The following TULP1 variants were observed in gnomAD, a reference collection of about 807,000 sequenced individuals.
TULP1 encodes the protein tubby-related protein 1.
In TULP1, 50 loss-of-function variants were observed where a neutral mutation model predicts 67.1. That is an observed-to-expected ratio of 0.75 (90% CI 0.59 to 0.94). TULP1 has a LOEUF of 0.94. TULP1 is among the 40% of genes least tolerant of loss of function. TULP1 has a pLI of 0.00. For synonymous variants in TULP1, 297 were observed against 294.0 expected, an observed-to-expected ratio of 1.01 and a Z score of -0.11; for missense variants, 746 against 734.1, an observed-to-expected ratio of 1.02 and a Z score of -0.19.
At chr6:35,499,525 A>G (rs1194192494) in intron 14 of TULP1, among the ~76,000 whole-genome samples, 2 of 152,224 alleles carry the variant, frequency 1.3e-5, no homozygotes, top group African/African-American at 2.4e-5. Flanking sequence ...CCTGGCACAT[A>G]GTAAACACTG....
Position 35,512,214 on chromosome 6 carries a change from G to T in TULP1, c.156C>A (p.Pro52=). The T allele has an allele frequency of 7.3e-7, 1 of 1,367,628 alleles. No individual in the cohort carries two copies. Among genetic ancestry groups the T allele is most frequent in the East Asian group, 2.7e-5 (1 of 36,888 alleles). 84.7% of individuals were successfully genotyped at this position (1,367,628 alleles called of 1,614,324 possible). The stretch of plus-strand genomic sequence containing the variant: ...TCCGGGGCTTGGATCCCGTGGGGCA[G>T]GGGGATTCGGGGGCCTCCGTCCTCT... ...RKKRTEAPES[P]CPTGSKPRKP... The change falls in exon 3 of 15, where the codon CCC becomes CCA. Residue 52 remains proline, a synonymous_variant. Transcript: ENST00000229771.
chr6:35,503,633 C>A lies in TULP1; in HGVS notation c.1249G>T (p.Gly417Cys). The A allele has an allele frequency of 6.3e-7, 1 of 1,599,582 alleles. No homozygotes were observed. Among genetic ancestry groups the A allele is most frequent in the Non-Finnish European group, 8.5e-7 (1 of 1,173,290 alleles). ...IYETNVLGFR[G>C]PRRMTVIIPG... Reference sequence around the variant, plus strand: ...ATGATGACGGTCATGCGCCGGGGGCCACGGAAGCCCAGCACGTTGGTTTCC... The same window carrying A: ...ATGATGACGGTCATGCGCCGGGGGCAACGGAAGCCCAGCACGTTGGTTTCC... Residue 417 changes from glycine (G) to cysteine (C), a missense_variant, in exon 13 of 15, where the codon GGC becomes TGC. By Grantham distance (159) the Gly-to-Cys change is radical (BLOSUM62 -3). Transcript: ENST00000229771. The surrounding 1 kb of genome is among the most constrained non-coding windows in gnomAD (Gnocchi z 4.0).
At chr6:35,505,459 A>G (rs925837631) in intron 11 of TULP1, 6 of 725,424 alleles carry the variant, frequency 8.3e-6, no homozygotes, top group African/African-American at 7.1e-5. Context: ...GCCCTCGTGG[A>G]ACTTATGCCC....
chr6:35,504,856 A>G (rs7755016), intron 11 of TULP1, among the ~76,000 whole-genome samples: 67,555 of 151,624 alleles, frequency 0.45, 15,627 homozygotes, highest in Admixed American at 0.57. Context: ...GTGAGCCATC[A>G]CGCCTGGCCT....
chr6:35,500,674 A>C (rs1229672376), intron 13 of TULP1, among the ~76,000 whole-genome samples: 6 of 152,312 alleles, frequency 3.9e-5, no homozygotes, highest in Non-Finnish European at 5.9e-5. Context: ...GAGTCCACTC[A>C]AGATCACCTC....
chr6:35,500,243 G>T, intron 13 of TULP1, 91 bp from the exon 14 acceptor site: 1 of 1,358,304 alleles, frequency 7.4e-7, no homozygotes. Flanking sequence ...CTGGGCATGT[G>T]TGCACAGGGG....
chr6:35,497,880 A>G lies in TULP1; in HGVS notation c.*447T>C, dbSNP rs994488766. 2 of 200,746 alleles carry G rather than the reference A, an allele frequency of 1.0e-5. No individual in the cohort carries two copies. Among genetic ancestry groups the G allele is most frequent in the Non-Finnish European group, 1.0e-5 (1 of 96,754 alleles). 12.4% of individuals were successfully genotyped at this position (200,746 alleles called of 1,614,324 possible). On this transcript the variant is annotated 3_prime_UTR_variant, in exon 15 of 15. Transcript: ENST00000229771. ...TGAGGAACCACCGCTCCGCTTGGCCAAGGACGCGGCTTTATTGGGGATGTG... is the reference window on the plus strand; with the variant it reads ...TGAGGAACCACCGCTCCGCTTGGCCGAGGACGCGGCTTTATTGGGGATGTG...
In TULP1 at chr6:35,506,352, C is replaced by T. The variant is rs1761088496; in HGVS notation, c.823-73G>A. On this transcript the variant is annotated intron_variant, in intron 8 of 14. Coordinates refer to ENST00000229771, the MANE Select transcript of TULP1 (RefSeq NM_003322.6). ...CCTGGAGGCGGGGAAGCCACTGCCCCTCATGCTCCCTGGCAGCCCGGCACG... is the reference window on the plus strand; with the variant it reads ...CCTGGAGGCGGGGAAGCCACTGCCCTTCATGCTCCCTGGCAGCCCGGCACG... The T allele has an allele frequency of 2.6e-6, 4 of 1,542,432 alleles. No homozygotes were observed. In the South Asian group the frequency reaches 3.6e-5, roughly 14 times the overall value.
At chr6:35,511,953 T>C (rs950223213) in intron 3 of TULP1, 147 bp from the exon 4 acceptor site, 1 of 944,880 alleles carries the variant, frequency 1.1e-6, no homozygotes. Flanking sequence ...CTTTCAACAC[T>C]TCTCCCCGGC....
In TULP1 at chr6:35,499,972, G is replaced by C. The variant is rs752099655; in HGVS notation, c.1495+9C>G. ...GAGAAGAGCCAGACCTGGGCCCTCA[G>C]GTACTCACGGTCATCAGCGTGGACA... On this transcript the variant is annotated intron_variant, in intron 14 of 14. Coordinates refer to ENST00000229771, the MANE Select transcript of TULP1 (RefSeq NM_003322.6). 3 of 1,613,912 alleles carry C rather than the reference G, an allele frequency of 1.9e-6. No individual in the cohort carries two copies. Among genetic ancestry groups the C allele is most frequent in the Non-Finnish European group, 2.5e-6 (3 of 1,180,008 alleles).
rs1768762914 is a variant in TULP1 at position 35,498,685 on chromosome 6, T to A, written c.1496-225A>T. Among the ~76,000 whole-genome samples the A allele has an allele frequency of 6.6e-6, 1 of 152,232 alleles. No individual in the cohort carries two copies. Among genetic ancestry groups the A allele is most frequent in the African/African-American group, 2.4e-5 (1 of 41,462 alleles). On this transcript the variant is annotated intron_variant, in intron 14 of 14. Transcript: ENST00000229771. This position sits in a 1 kb window ranked among gnomAD's most constrained non-coding sequence, Gnocchi z 6.7. ...ATCTCCTGGGGGCAGGGACCTTGCCTTTCTGCTGCTGCCACAGGCCATGCC... is the reference window on the plus strand; with the variant it reads ...ATCTCCTGGGGGCAGGGACCTTGCCATTCTGCTGCTGCCACAGGCCATGCC...
rs1177612155 is a variant in TULP1, at chr6:35,506,157, G to A, written c.845C>T (p.Pro282Leu). 1.1e-5 allele frequency: 17 copies of A among 1,613,374 alleles called. 1 individual carries two copies. Among genetic ancestry groups the A allele is most frequent in the South Asian group, 3.3e-5 (3 of 91,070 alleles). ...TTCGTCCACCTCCACGGGGGGAGAC[G>A]GGGCCCTCTCCTCCTTCTGGGTGGG... ...GKKKAKEERA[P>L]SPPVEVDEPR... Residue 282 changes from proline to leucine, a missense_variant, in exon 10 of 15, where the codon CCG becomes CTG. This residue lies in a region of TULP1 where 383 missense variants were observed against 374.1 expected (regional missense o/e 1.02). Transcript: ENST00000229771.
intron 8 of TULP1, among the ~76,000 whole-genome samples, chr6:35,507,483 G>A (rs1390950217): frequency 1.3e-5 from 2 of 151,974 alleles, no homozygotes; most frequent in Non-Finnish European, 2.9e-5. Flanking sequence ...CTCAGTTTGG[G>A]GTGATTTGTT....
intron 11 of TULP1, among the ~76,000 whole-genome samples, chr6:35,504,341 T>C (rs897648552): frequency 5.9e-5 from 9 of 151,542 alleles, no homozygotes; most frequent in Admixed American, 5.9e-4. Context: ...TAAGACCCAG[T>C]CTCCAAAACA....
intron 13 of TULP1, among the ~76,000 whole-genome samples, chr6:35,502,150 T>G (rs1760979313): frequency 6.6e-6 from 1 of 152,082 alleles, no homozygotes; most frequent in African/African-American, 2.4e-5. Context: ...TTCCCCTGTT[T>G]GACTTTTTTC....
At chr6:35,512,037 C>G (rs868686579) in intron 3 of TULP1, 143 bp downstream of exon 3, 142 of 545,778 alleles carry the variant, frequency 2.6e-4, no homozygotes, top group South Asian at 9.7e-4. Context: ...CAACCCCAAC[C>G]CCAATCCCTC....
In TULP1 at chr6:35,498,192, C is replaced by T. The variant is rs918821632; in HGVS notation, c.*135G>A. 30 of 1,405,868 alleles carry T rather than the reference C, an allele frequency of 2.1e-5. No individual in the cohort carries two copies. The highest frequency in any genetic ancestry group is 1.3e-4 in the Admixed American group (6 of 47,346). 87.1% of individuals were successfully genotyped at this position (1,405,868 alleles called of 1,614,324 possible). A position where few individuals can be genotyped will look rare whatever the true frequency, so the allele number is the denominator to read the frequency against. ...AGGCTGGGGAGAGGACGGAGGTCAC[C>T]GAGAGGCAGTGAGAGGTCAGCCCCG... On this transcript the variant is annotated 3_prime_UTR_variant, in exon 15 of 15. Coordinates refer to ENST00000229771, the MANE Select transcript of TULP1 (RefSeq NM_003322.6). This position sits in a 1 kb window ranked among gnomAD's most constrained non-coding sequence, Gnocchi z 6.7.
Position 35,506,066 on chromosome 6 carries a change from GT to G in TULP1, c.935del (p.Asp312AlafsTer59). 6.2e-7 allele frequency: 1 copy of G among 1,613,696 alleles called. No individual in the cohort carries two copies. Among genetic ancestry groups the G allele is most frequent in the Non-Finnish European group, 8.5e-7 (1 of 1,180,012 alleles). On this transcript the variant is annotated frameshift_variant, in exon 10 of 15. Coordinates refer to ENST00000229771, the MANE Select transcript of TULP1 (RefSeq NM_003322.6). LOFTEE classifies it high-confidence loss of function. Reference protein sequence around the residue: ...GRTVRCRLTRDKKGMDRGMYP... With the variant: ...GRTVRCRLTRXKKGMDRGMYP... ...ACATGCCTCGATCCATGCCCTTTTT[GT>G]CCCGGGTCAGCCGGCAGCGCACCGT... is the stretch of plus-strand genomic sequence containing the variant.
chr6:35,503,395 A>G lies in TULP1; in HGVS notation c.1323+164T>C. On this transcript the variant is annotated intron_variant, in intron 13 of 14. Transcript: ENST00000229771. This position sits in a 1 kb window ranked among gnomAD's most constrained non-coding sequence, Gnocchi z 4.0. ...ACCAAAAAGCCCATTGTGGTTTTTC[A>G]GTGAATTCAATTACAAAAAGCCCAA... 1.4e-6 allele frequency: 1 copy of G among 694,424 alleles called. No individual in the cohort carries two copies. The highest frequency in any genetic ancestry group is 2.5e-4 in the Middle Eastern group (1 of 4,040). The allele number at this position is 694,424 out of a possible 1,614,324, so 43.0% of individuals were successfully genotyped here. A position where few individuals can be genotyped will look rare whatever the true frequency, so the allele number is the denominator to read the frequency against.
Sources: allele counts gnomAD v4.1 joint callset (sites outside exome capture counted in the v4.1 genomes callset), GRCh38; gene constraint gnomAD v4.1.1; regional missense constraint gnomAD v4.1.1; non-coding constraint Gnocchi (gnomAD v3.1); transcripts MANE v1.5; gene names NCBI Gene and HGNC (gene_info 2026-07-23, HGNC 2026-07-21).